The following ISY1 variants were observed in gnomAD, a reference collection of about 807,000 sequenced individuals.
The protein encoded by ISY1 is ISY1 spliceosome associated protein, also known as pre-mRNA-splicing factor ISY1 homolog.
In ISY1, 12 loss-of-function variants were observed where a neutral mutation model predicts 54.4. The observed-to-expected ratio is 0.22, with a 90% CI of 0.14 to 0.36. The LOEUF (loss-of-function observed/expected upper bound fraction) is 0.36. ISY1 is among the 10% of genes least tolerant of loss of function. The pLI, the probability that ISY1 is intolerant of heterozygous loss-of-function variation, is 1.00. For missense variants in ISY1, 282 were observed against 342.2 expected (o/e 0.82, Z 1.39); for synonymous variants, 96 against 117.9 (o/e 0.81, Z 1.20).
chr3:129,137,681 C>A (rs898944734), intron 7 of ISY1, among the ~76,000 whole-genome samples: 2 of 151,886 alleles, frequency 1.3e-5, no homozygotes, highest in Non-Finnish European at 2.9e-5. Flanking sequence ...GAGGCCGAGG[C>A]GGGCGGATCA....
At chr3:129,160,631 T>A (rs1937278481) in intron 1 of ISY1, among the ~76,000 whole-genome samples, 1 of 152,086 alleles carries the variant, frequency 6.6e-6, no homozygotes, top group Admixed American at 6.6e-5. Flanking sequence ...GCTCTTAATC[T>A]TCTCTGTGGT....
intron 2 of ISY1, among the ~76,000 whole-genome samples, chr3:129,158,902 C>T (rs566950962): frequency 6.6e-6 from 1 of 152,170 alleles, no homozygotes; most frequent in African/African-American, 2.4e-5. Context: ...ACTCTCACAA[C>T]CCCTGCACCA....
intron 5 of ISY1, among the ~76,000 whole-genome samples, chr3:129,149,805 A>AAAAAAAAAAG (rs1553783043): frequency 2.2e-4 from 13 of 60,016 alleles, no homozygotes; most frequent in Non-Finnish European, 2.9e-4. Context: ...AAAAAAAAAA[A>AAAAAAAAAAG]AAAGAAAGAA....
rs1300326839 is a variant in ISY1, at chr3:129,134,896, G to A, written c.477C>T (p.Tyr159=). ...AELMKAIDFE[Y]YGYLDEDDGV... is the part of the protein sequence containing the mutation. ...CATCATCTTCATCTAGGTAACCATA[G>A]TACTCAAAATCGATTGCCTTCATGA... The change falls in exon 8 of 11, where the codon TAC becomes TAT. Residue 159 remains tyrosine, a synonymous_variant. Transcript: ENST00000393295. 3 of 1,611,748 alleles carry A rather than the reference G, an allele frequency of 1.9e-6. No individual in the cohort carries two copies. The highest frequency in any genetic ancestry group is 2.2e-5 in the East Asian group (1 of 44,812).
chr3:129,137,850 T>C (rs1364971324), intron 7 of ISY1, among the ~76,000 whole-genome samples: 2 of 129,436 alleles, frequency 1.5e-5, no homozygotes, highest in Non-Finnish European at 3.1e-5. Flanking sequence ...AGGCAGAGCT[T>C]ACAGCAGTGT....
intron 6 of ISY1, among the ~76,000 whole-genome samples, chr3:129,143,559 C>A (rs1245123282): frequency 1.3e-5 from 2 of 150,658 alleles, no homozygotes; most frequent in African/African-American, 4.9e-5. Flanking sequence ...ACATATCTAT[C>A]ATATGATTAT....
intron 7 of ISY1, among the ~76,000 whole-genome samples, chr3:129,139,024 T>C (rs1709535455): frequency 6.6e-6 from 1 of 151,270 alleles, no homozygotes; most frequent in African/African-American, 2.4e-5. Context: ...AACCTCTGCC[T>C]CCCAGGTTCA....
intron 7 of ISY1, among the ~76,000 whole-genome samples, chr3:129,138,845 A>C (rs983598913): frequency 3.3e-5 from 5 of 150,766 alleles, no homozygotes; most frequent in Non-Finnish European, 5.9e-5. Flanking sequence ...AGAAAGAAAG[A>C]AACTGGAGGG....
intron 8 of ISY1, 31 bp from the exon 9 acceptor site, chr3:129,134,226 T>C (rs779634710): frequency 1.9e-6 from 3 of 1,613,798 alleles, no homozygotes; most frequent in Non-Finnish European, 2.5e-6. Flanking sequence ...GTGCTATTTA[T>C]TTGTCTCTAA....
At position 129,158,534 on chromosome 3, in the gene ISY1, C is replaced by T. The variant is rs774782748; in HGVS notation, c.52G>A (p.Ala18Thr). ...AMTALARFRQAQLEEGKVKER... is the reference protein window; with the variant it reads ...AMTALARFRQTQLEEGKVKER... Reference sequence around the variant, plus strand: ...TTCACTTTTCCCTCTTCCAGCTGAGCCTGGCGAAATCTTGCTAAGGCCGTC... The same window carrying T: ...TTCACTTTTCCCTCTTCCAGCTGAGTCTGGCGAAATCTTGCTAAGGCCGTC... The change falls in exon 3 of 11, where the codon GCT (alanine) becomes ACT (threonine). Residue 18 changes from alanine to threonine, a missense_variant. Ala to Thr is a moderately conservative substitution (Grantham distance 58, BLOSUM62 0). Transcript: ENST00000393295. The T allele has an allele frequency of 1.2e-6, 2 of 1,614,002 alleles. No individual in the cohort carries two copies. The highest frequency in any genetic ancestry group is 1.7e-5 in the Admixed American group (1 of 60,000).
Position 129,161,053 on chromosome 3 carries a change from T to TCACAGGAACTGAAGATTCCAACTACC in ISY1, c.-79_-78insGGTAGTTGGAATCTTCAGTTCCTGTG. 1 of 1,537,164 alleles carries TCACAGGAACTGAAGATTCCAACTACC rather than the reference T, an allele frequency of 6.5e-7. No homozygotes were observed. The highest frequency in any genetic ancestry group is 1.7e-4 in the Middle Eastern group (1 of 5,904). On this transcript the variant is annotated 5_prime_UTR_variant, in exon 1 of 11. Transcript: ENST00000393295. ...CCACAGGCCCAGAAGACGCCGACGC[T>TCACAGGAACTGAAGATTCCAACTACC]CACAGGAACTGAAGATTCCAACTAC...
Position 129,161,059 on chromosome 3 carries a change from G to C in ISY1, c.-84C>G. ...GCCCAGAAGACGCCGACGCTCACAG[G>C]AACTGAAGATTCCAACTACCCACAG... is the stretch of plus-strand genomic sequence containing the variant. On this transcript the variant is annotated 5_prime_UTR_variant, in exon 1 of 11. Coordinates refer to ENST00000393295, the MANE Select transcript of ISY1 (RefSeq NM_020701.4). 1 of 1,535,788 alleles carries C rather than the reference G, an allele frequency of 6.5e-7. No individual in the cohort carries two copies. The highest frequency in any genetic ancestry group is 8.8e-7 in the Non-Finnish European group (1 of 1,141,126).
In ISY1 at chr3:129,145,793, G is replaced by A. The variant is rs766847880; in HGVS notation, c.268C>T (p.Arg90Trp). The change falls in exon 6 of 11, where the codon CGG becomes TGG. Residue 90 changes from arginine (R) to tryptophan (W), a missense_variant. Physicochemically the swap from Arg to Trp is moderately radical, Grantham distance 101. Transcript: ENST00000393295. The part of the protein sequence containing the change: ...LLREKGHWEV[R>W]IKELGGPDYG... Reference sequence around the variant, plus strand: ...TCAGGACCTCCCAGCTCCTTTATCCGGACCTCCCAGTGTCCTTTCTCCCTT... The same window carrying A: ...TCAGGACCTCCCAGCTCCTTTATCCAGACCTCCCAGTGTCCTTTCTCCCTT... 1.4e-5 allele frequency: 22 copies of A among 1,613,984 alleles called. No individual in the cohort carries two copies. The highest frequency in any genetic ancestry group is 2.7e-5 in the African/African-American group (2 of 74,890).
In ISY1 at chr3:129,145,376, C is replaced by T. The variant is rs147746905; in HGVS notation, c.300+385G>A. 1.2e-3 allele frequency among the ~76,000 whole-genome samples: 180 copies of T among 152,286 alleles called. 5 individuals carry two copies. In the East Asian group the frequency reaches 0.021, roughly 17 times the overall value. ...TAGCTGGGATTACAGGCGTGCACCA[C>T]CACACACAGCTAATTTTTGTATTTT... On this transcript the variant is annotated intron_variant, in intron 6 of 10. Coordinates refer to ENST00000393295, the MANE Select transcript of ISY1 (RefSeq NM_020701.4).
rs1170498350 is a variant in ISY1 at position 129,145,283 on chromosome 3, G to GGT, written c.300+477_300+478insAC. Among the ~76,000 whole-genome samples the GGT allele has an allele frequency of 2.0e-5, 3 of 150,650 alleles. No individual in the cohort carries two copies. The East Asian group carries it at 5.8e-4, about 29-fold the overall frequency. ...TCTGTCGCCCAGGCTGGAGTGCAGT[G>GGT]GCGATCTTGGCTCACTGCAACCTCC... On this transcript the variant is annotated intron_variant, in intron 6 of 10. Transcript: ENST00000393295.
chr3:129,134,088 C>A lies in ISY1; in HGVS notation c.649G>T (p.Val217Phe), dbSNP rs1936319046. 3 of 1,614,080 alleles carry A rather than the reference C, an allele frequency of 1.9e-6. No homozygotes were observed. Among genetic ancestry groups the A allele is most frequent in the Non-Finnish European group, 2.5e-6 (3 of 1,180,054 alleles). The change falls in exon 9 of 11, where the codon GTC becomes TTC. Residue 217 changes from valine to phenylalanine, a missense_variant. Around this residue, in one of 2 missense-constraint regions of ISY1, gnomAD observed 279 missense variants for 323.6 expected, o/e 0.86. Transcript: ENST00000393295. The part of the protein sequence containing the change: ...EEEEEINIYA[V>F]TEEESDEEGS... Reference sequence around the variant, plus strand: ...AACCCCAATACCTCCTCCTCGGTGACTGCATAGATGTTGATCTCTTCCTCC... The same window carrying A: ...AACCCCAATACCTCCTCCTCGGTGAATGCATAGATGTTGATCTCTTCCTCC...
Position 129,129,848 on chromosome 3 carries a change from T to C in ISY1, c.*233A>G. 1 of 388,480 alleles carries C rather than the reference T, an allele frequency of 2.6e-6. No individual in the cohort carries two copies. Among genetic ancestry groups the C allele is most frequent in the Non-Finnish European group, 4.6e-6 (1 of 219,274 alleles). The allele number at this position is 388,480 out of a possible 1,614,324, so 24.1% of individuals were successfully genotyped here. A position where few individuals can be genotyped will look rare whatever the true frequency, so the allele number is the denominator to read the frequency against. On this transcript the variant is annotated 3_prime_UTR_variant, in exon 11 of 11. Transcript: ENST00000393295. ...CAGGCAGCCAGTTCGCAACCTGTTG[T>C]ATACACTCCACAATAAAAATAAATG...
At chr3:129,140,809 T>G (rs1054891925) in intron 6 of ISY1, among the ~76,000 whole-genome samples, 1 of 151,998 alleles carries the variant, frequency 6.6e-6, no homozygotes, top group African/African-American at 2.4e-5. Flanking sequence ...GACCTCATGA[T>G]CCACCCACCT....
Position 129,156,873 on chromosome 3 carries a change from A to T in ISY1, c.126T>A (p.Ala42=). 6.2e-7 allele frequency: 1 copy of T among 1,613,924 alleles called. No homozygotes were observed. Among genetic ancestry groups the T allele is most frequent in the Non-Finnish European group, 8.5e-7 (1 of 1,179,942 alleles). Residue 42 remains alanine (A), a synonymous_variant, in exon 4 of 11, where the codon GCT becomes GCA. Coordinates refer to ENST00000393295, the MANE Select transcript of ISY1 (RefSeq NM_020701.4). ...LASECTELPK[A]EKWRRQIIGE... is the part of the protein sequence containing the mutation. ...AACATACCTGTCGTCTCCACTTCTC[A>T]GCTTTAGGCAGTTCAGTACATTCTG...
Sources: allele counts gnomAD v4.1 joint callset (sites outside exome capture counted in the v4.1 genomes callset), GRCh38; gene constraint gnomAD v4.1.1; regional missense constraint gnomAD v4.1.1; transcripts MANE v1.5; gene names NCBI Gene and HGNC (gene_info 2026-07-23, HGNC 2026-07-21).